Variants in NRXN1 observed in about 807,000 individuals in gnomAD.
NRXN1 encodes the protein neurexin 1, also known as neurexin-1.
Under a neutral mutation model 150.9 loss-of-function variants are expected in NRXN1, and 39 were observed. The observed-to-expected ratio is 0.26, with a 90% CI of 0.20 to 0.34. The LOEUF is 0.34. NRXN1 is among the 10% of genes least tolerant of loss of function. The probability of loss-of-function intolerance (pLI) is 1.00; values close to 1 mark genes in which losing one functional copy is unlikely to be tolerated. For synonymous variants in NRXN1, 924 were observed against 757.0 expected, an observed-to-expected ratio of 1.22 and a Z score of -3.62; for missense variants, 1,815 against 1,949.9, an observed-to-expected ratio of 0.93 and a Z score of 1.30.
At chr2:50,416,016 GT>G (rs1325889302) in intron 17 of NRXN1, among the ~76,000 whole-genome samples, 4 of 145,294 alleles carry the variant, frequency 2.8e-5, no homozygotes, top group Non-Finnish European at 6.0e-5. Flanking sequence ...AAAAGAATTT[GT>G]TTAGTACCTC....
At chr2:50,136,973 A>G (rs1574107635) in intron 18 of NRXN1, among the ~76,000 whole-genome samples, 1 of 152,320 alleles carries the variant, frequency 6.6e-6, no homozygotes, top group Non-Finnish European at 1.5e-5. Flanking sequence ...ATATCAAAGC[A>G]TTTCTAATTT....
chr2:50,204,341 CGTGTGTGT>C (rs70946895), intron 18 of NRXN1, among the ~76,000 whole-genome samples: 18 of 111,472 alleles, frequency 1.6e-4, no homozygotes, highest in African/African-American at 5.1e-4. Flanking sequence ...TAAGAAATAC[CGTGTGTGT>C]GTGTGTGTGT....
chr2:50,359,255 A>T (rs1396046616), intron 17 of NRXN1, among the ~76,000 whole-genome samples: 2 of 152,078 alleles, frequency 1.3e-5, no homozygotes, highest in African/African-American at 4.8e-5. Flanking sequence ...ACGGCGAATG[A>T]GTTTGACGAA....
At chr2:50,798,723 G>A (rs893622582) in intron 5 of NRXN1, among the ~76,000 whole-genome samples, 5 of 152,178 alleles carry the variant, frequency 3.3e-5, no homozygotes, top group Non-Finnish European at 5.9e-5. Flanking sequence ...AGTCAATGCC[G>A]TGTCTCAAAT....
intron 22 of NRXN1, among the ~76,000 whole-genome samples, chr2:49,932,156 C>G (rs1670240785): frequency 6.6e-6 from 1 of 152,180 alleles, no homozygotes; most frequent in Non-Finnish European, 1.5e-5. Flanking sequence ...TAATTCATGC[C>G]TGTAATCCCA....
intron 17 of NRXN1, among the ~76,000 whole-genome samples, chr2:50,309,557 C>T (rs1915168): frequency 0.42 from 63,860 of 152,044 alleles, 16,371 homozygotes; most frequent in African/African-American, 0.72. Context: ...AAGTTCTTCA[C>T]ATGTGTAAAA....
At chr2:50,656,552 AC>A in intron 5 of NRXN1, 4 of 580,816 alleles carry the variant, frequency 6.9e-6, no homozygotes, top group Non-Finnish European at 1.3e-5. Flanking sequence ...TATTTTGTAT[AC>A]AAAAGAATGG....
chr2:50,369,808 T>C (rs917849577), intron 17 of NRXN1, among the ~76,000 whole-genome samples: 2 of 152,002 alleles, frequency 1.3e-5, no homozygotes, highest in Non-Finnish European at 2.9e-5. Context: ...GCTTTCTGAA[T>C]GTACGGAGAC....
At chr2:50,516,287 C>G (rs2092629282) in intron 12 of NRXN1, among the ~76,000 whole-genome samples, 1 of 152,120 alleles carries the variant, frequency 6.6e-6, no homozygotes, top group Admixed American at 6.6e-5. Flanking sequence ...AGCATTAACC[C>G]AAGCACAACA....
chr2:50,994,607 C>G (rs1369754863), intron 2 of NRXN1, among the ~76,000 whole-genome samples: 1 of 151,936 alleles, frequency 6.6e-6, no homozygotes, highest in Non-Finnish European at 1.5e-5. Context: ...AGGAGAATTT[C>G]TAATTTAAAT....
chr2:50,930,563 G>A (rs545144566), intron 2 of NRXN1, among the ~76,000 whole-genome samples: 3 of 152,116 alleles, frequency 2.0e-5, no homozygotes, highest in African/African-American at 7.2e-5. Context: ...ATTTTCATGA[G>A]GAACTACTAC....
intron 18 of NRXN1, among the ~76,000 whole-genome samples, chr2:50,204,823 C>A (rs754303889): frequency 9.2e-5 from 14 of 151,564 alleles, no homozygotes; most frequent in Admixed American, 7.9e-4. Flanking sequence ...TTCTGGCATA[C>A]CAAAAAAAAT....
chr2:50,306,546 T>G (rs1311730854), intron 17 of NRXN1, among the ~76,000 whole-genome samples: 1 of 152,224 alleles, frequency 6.6e-6, no homozygotes, highest in Non-Finnish European at 1.5e-5. Context: ...TCAACAACAT[T>G]GGTTTCTACT....
At chr2:50,302,228 A>G (rs963996431) in intron 17 of NRXN1, among the ~76,000 whole-genome samples, 1 of 152,162 alleles carries the variant, frequency 6.6e-6, no homozygotes, top group Admixed American at 6.5e-5. Flanking sequence ...GTATCAAGGA[A>G]TGAATCCTTG....
At chr2:50,336,144 C>G (rs1428506689) in intron 17 of NRXN1, among the ~76,000 whole-genome samples, 1 of 152,118 alleles carries the variant, frequency 6.6e-6, no homozygotes, top group Non-Finnish European at 1.5e-5. Flanking sequence ...CAAGGGAATT[C>G]CAGAATTCCT....
At chr2:50,315,681 A>T (rs913114526) in intron 17 of NRXN1, among the ~76,000 whole-genome samples, 8 of 152,130 alleles carry the variant, frequency 5.3e-5, no homozygotes, top group African/African-American at 1.9e-4. Context: ...CATAGAATTA[A>T]TGTTATAAAT....
intron 19 of NRXN1, 46 bp downstream of exon 19, chr2:50,091,277 T>C (rs199935061): frequency 1.2e-6 from 2 of 1,607,552 alleles, no homozygotes; most frequent in South Asian, 1.1e-5. Context: ...TTTCTTCCAG[T>C]TTGTTTTTCA....
chr2:50,179,272 A>T (rs1281104375), intron 18 of NRXN1, among the ~76,000 whole-genome samples: 3 of 152,148 alleles, frequency 2.0e-5, no homozygotes, highest in African/African-American at 7.2e-5. Flanking sequence ...CTGTCTAGTC[A>T]CATCAGCATA....
intron 5 of NRXN1, among the ~76,000 whole-genome samples, chr2:50,785,622 T>C (rs1159117934): frequency 6.6e-6 from 1 of 151,952 alleles, no homozygotes; most frequent in East Asian, 1.9e-4. Context: ...ATACAGAGGG[T>C]TTTGTTGATA....
Sources: gnomAD v4.1 joint callset for allele counts (sites outside exome capture counted in the v4.1 genomes callset) on GRCh38, gnomAD v4.1.1 for gene constraint, MANE v1.5 for transcripts, NCBI Gene and HGNC (gene_info 2026-07-23, HGNC 2026-07-21) for gene names.